The following CSE1L variants were observed in gnomAD, a reference collection of about 807,000 sequenced individuals.
The protein encoded by CSE1L is chromosome segregation 1 like.
Under a neutral mutation model 120.4 loss-of-function variants are expected in CSE1L, and 24 were observed. The observed-to-expected ratio is 0.20, with a 90% CI of 0.14 to 0.28. The LOEUF (loss-of-function observed/expected upper bound fraction) is 0.28. Ranked by LOEUF, CSE1L falls within the 10% of genes least tolerant of loss-of-function variation. The pLI, the probability that CSE1L is intolerant of heterozygous loss-of-function variation, is 1.00. For missense variants in CSE1L, 830 were observed against 1,145.2 expected (o/e 0.72, Z 3.97); for synonymous variants, 402 against 398.3 (o/e 1.01, Z -0.11).
In CSE1L at chr20:49,084,578, A is replaced by G. The variant is rs185995723; in HGVS notation, c.1619+416A>G. Reference sequence around the variant, plus strand: ...AGTAGTAGTAGTGTTCTCAGCAACAATCATGTAACAGTTATTTTCATGTGG... The same window carrying G: ...AGTAGTAGTAGTGTTCTCAGCAACAGTCATGTAACAGTTATTTTCATGTGG... On this transcript the variant is annotated intron_variant, in intron 15 of 24. Coordinates refer to ENST00000262982, the MANE Select transcript of CSE1L (RefSeq NM_001316.4). Among the ~76,000 whole-genome samples the G allele has an allele frequency of 4.6e-5, 7 of 152,330 alleles. No individual in the cohort carries two copies. The East Asian group carries it at 7.7e-4, about 17-fold the overall frequency.
chr20:49,079,754 A>G (rs1256663352), intron 14 of CSE1L, among the ~76,000 whole-genome samples: 4 of 152,088 alleles, frequency 2.6e-5, no homozygotes, highest in African/African-American at 9.7e-5. Context: ...TTTACATCCC[A>G]GGAATACTGT....
chr20:49,086,348 T>G (rs1363389030), intron 16 of CSE1L, among the ~76,000 whole-genome samples: 3 of 149,708 alleles, frequency 2.0e-5, no homozygotes, highest in Non-Finnish European at 4.4e-5. Context: ...TAATTATTGT[T>G]GTTTAATGTC....
Position 49,068,838 on chromosome 20 carries a change from T to A in CSE1L, c.675+16T>A. On this transcript the variant is annotated intron_variant, in intron 7 of 24. Coordinates refer to ENST00000262982, the MANE Select transcript of CSE1L (RefSeq NM_001316.4). Reference sequence around the variant, plus strand: ...AAACTTTCAGGTAAGTTCATTTGATTTCTTGCTTTTGGTTCTTACTCTTTG... The same window carrying A: ...AAACTTTCAGGTAAGTTCATTTGATATCTTGCTTTTGGTTCTTACTCTTTG... 2.6e-6 allele frequency: 4 copies of A among 1,521,472 alleles called. No individual in the cohort carries two copies. The highest frequency in any genetic ancestry group is 3.7e-6 in the Non-Finnish European group (4 of 1,095,542). 94.2% of individuals were successfully genotyped at this position (1,521,472 alleles called of 1,614,324 possible).
chr20:49,078,504 T>G (rs1399413840), intron 13 of CSE1L, 57 bp from the exon 14 acceptor site: 1 of 1,148,164 alleles, frequency 8.7e-7, no homozygotes, highest in African/African-American at 1.6e-5. Flanking sequence ...TGTCACTAAT[T>G]TGGAAGTAAT....
chr20:49,078,952 C>G (rs2091989608), intron 14 of CSE1L, among the ~76,000 whole-genome samples: 1 of 152,044 alleles, frequency 6.6e-6, no homozygotes, highest in South Asian at 2.1e-4. Context: ...AGTGCAGTGG[C>G]ACCATCTTGG....
chr20:49,081,860 TATG>T (rs1206434681), intron 14 of CSE1L, among the ~76,000 whole-genome samples: 4 of 152,150 alleles, frequency 2.6e-5, no homozygotes, highest in Non-Finnish European at 4.4e-5. Context: ...AATAAAACAA[TATG>T]ATGATTACTG....
chr20:49,068,697 G>C lies in CSE1L; in HGVS notation c.568-18G>C. 6.4e-7 allele frequency: 1 copy of C among 1,560,408 alleles called. No individual in the cohort carries two copies. Among genetic ancestry groups the C allele is most frequent in the Admixed American group, 1.7e-5 (1 of 59,680 alleles). ...GTTTATGATGCACTAAAACCATGTTGCTAAATTCCTTTCCAAGGCCACTAT... is the reference window on the plus strand; with the variant it reads ...GTTTATGATGCACTAAAACCATGTTCCTAAATTCCTTTCCAAGGCCACTAT... On this transcript the variant is annotated intron_variant, in intron 6 of 24. Transcript: ENST00000262982.
intron 6 of CSE1L, 135 bp from the exon 7 acceptor site, chr20:49,068,580 C>T (rs62210393): frequency 0.022 from 13,037 of 597,852 alleles, 237 homozygotes; most frequent in South Asian, 0.028. Flanking sequence ...GCCTGGACGA[C>T]AGAGCAAGAC....
At chr20:49,073,147 G>T (rs1036781822) in intron 10 of CSE1L, among the ~76,000 whole-genome samples, 6 of 152,056 alleles carry the variant, frequency 3.9e-5, no homozygotes, top group Non-Finnish European at 7.3e-5. Flanking sequence ...GAGTAGCTGG[G>T]ACCACAGGCA....
intron 2 of CSE1L, among the ~76,000 whole-genome samples, chr20:49,062,414 G>A (rs1412285648): frequency 6.6e-6 from 1 of 152,174 alleles, no homozygotes; most frequent in Non-Finnish European, 1.5e-5. Flanking sequence ...AAAAAATTAA[G>A]AGAAATACTG....
At chr20:49,072,915 TTACAC>T (rs2091943441) in intron 10 of CSE1L, among the ~76,000 whole-genome samples, 1 of 152,234 alleles carries the variant, frequency 6.6e-6, no homozygotes, top group African/African-American at 2.4e-5. Context: ...AAAAATTCCT[TTACAC>T]TAAGAAGATA....
At position 49,072,522 on chromosome 20, in the gene CSE1L, TGA is replaced by T; in HGVS notation, c.937-44_937-43del. 1.9e-6 allele frequency: 3 copies of T among 1,604,162 alleles called. No homozygotes were observed. In the South Asian group the frequency reaches 3.3e-5, roughly 18 times the overall value. ...CTATCTCCTCCAAGAAATAAGCTGT[TGA>T]GTTTTGCTTTTAAAAATATTCTTGT... On this transcript the variant is annotated intron_variant, in intron 9 of 24. Coordinates refer to ENST00000262982, the MANE Select transcript of CSE1L (RefSeq NM_001316.4).
At chr20:49,072,854 T>G (rs2123710032) in intron 10 of CSE1L, among the ~76,000 whole-genome samples, 157 bp downstream of exon 10, 1 of 152,248 alleles carries the variant, frequency 6.6e-6, no homozygotes, top group South Asian at 2.1e-4. Context: ...CTGTAATGAG[T>G]TTTGTTGTGC....
At position 49,072,669 on chromosome 20, in the gene CSE1L, G is replaced by C. The variant is rs2091941626; in HGVS notation, c.1038G>C (p.Lys346Asn). The change falls in exon 10 of 25, where the codon AAG becomes AAC. Residue 346 changes from lysine to asparagine, a missense_variant. Coordinates refer to ENST00000262982, the MANE Select transcript of CSE1L (RefSeq NM_001316.4). ...ACACGCTGACAAGTATCTGTGAAAA[G>C]GTTATTGTGCCTAACATGGAATTTA... ...DQNTLTSICE[K>N]VIVPNMEFRA... The C allele has an allele frequency of 6.2e-7, 1 of 1,612,808 alleles. No homozygotes were observed. The highest frequency in any genetic ancestry group is 8.5e-7 in the Non-Finnish European group (1 of 1,179,670).
chr20:49,075,598 CT>C (rs2091963511), intron 12 of CSE1L, 78 bp downstream of exon 12: 1 of 1,104,926 alleles, frequency 9.1e-7, no homozygotes, highest in East Asian at 2.5e-5. Context: ...AATAACGTCT[CT>C]GATAATAGAG....
intron 3 of CSE1L, among the ~76,000 whole-genome samples, chr20:49,064,403 C>T (rs1364204328): frequency 1.3e-5 from 2 of 152,174 alleles, no homozygotes; most frequent in Admixed American, 6.5e-5. Flanking sequence ...TCAAGTATCA[C>T]CATGAGTGGT....
In CSE1L at chr20:49,074,999, C is replaced by T. The variant is rs2091959510; in HGVS notation, c.1132+149C>T. ...GAACTGTTGTCTTTCTTCAACTTGT[C>T]TTAAAAAGCTCTTATATGACCTGAA... is the stretch of plus-strand genomic sequence containing the variant. On this transcript the variant is annotated intron_variant, in intron 11 of 24. Coordinates refer to ENST00000262982, the MANE Select transcript of CSE1L (RefSeq NM_001316.4). 1.5e-5 allele frequency: 9 copies of T among 616,862 alleles called. No homozygotes were observed. The South Asian group carries it at 2.1e-4, about 14-fold the overall frequency. 38.2% of individuals were successfully genotyped at this position (616,862 alleles called of 1,614,324 possible). A position where few individuals can be genotyped will look rare whatever the true frequency, so the allele number is the denominator to read the frequency against.
intron 2 of CSE1L, among the ~76,000 whole-genome samples, chr20:49,061,711 G>A (rs1231946264): frequency 2.0e-5 from 3 of 151,634 alleles, no homozygotes; most frequent in South Asian, 2.1e-4. Context: ...CACCAGGTTA[G>A]TCAGGATGGT....
At chr20:49,083,761 ATAT>A (rs1207846350) in intron 14 of CSE1L, among the ~76,000 whole-genome samples, 6 of 152,102 alleles carry the variant, frequency 3.9e-5, no homozygotes, top group South Asian at 2.1e-4. Flanking sequence ...CTTCTCTGTG[ATAT>A]TATTATTTTA....
Sources: allele counts gnomAD v4.1 joint callset (sites outside exome capture counted in the v4.1 genomes callset), GRCh38; gene constraint gnomAD v4.1.1; transcripts MANE v1.5; gene names NCBI Gene and HGNC (gene_info 2026-07-23, HGNC 2026-07-21).